Variants in SLC4A10 observed in about 807,000 individuals in gnomAD.
SLC4A10 encodes solute carrier family 4 member 10.
SLC4A10 carries 42 observed loss-of-function variants against 137.7 expected under a neutral mutation model. The ratio of observed to expected loss-of-function variants is 0.30; its 90% CI spans 0.24 to 0.39. SLC4A10 has a LOEUF of 0.39. Among genes scored for constraint, SLC4A10 ranks in the 10% least tolerant of loss-of-function variants. SLC4A10 has a pLI of 1.00. For synonymous variants in SLC4A10, 474 were observed against 464.1 expected, an observed-to-expected ratio of 1.02 and a Z score of -0.27; for missense variants, 925 against 1,355.0, an observed-to-expected ratio of 0.68 and a Z score of 4.98.
intron 1 of SLC4A10, among the ~76,000 whole-genome samples, chr2:161,700,325 C>A (rs2042991601): frequency 6.6e-6 from 1 of 152,104 alleles, no homozygotes; most frequent in Non-Finnish European, 1.5e-5. Context: ...ACTAGGTGGT[C>A]ATTCATATAG....
intron 4 of SLC4A10, among the ~76,000 whole-genome samples, chr2:161,848,763 A>G (rs940376293): frequency 2.6e-5 from 4 of 152,096 alleles, no homozygotes; most frequent in Non-Finnish European, 5.9e-5. Flanking sequence ...TACTGATACC[A>G]TGCTGTTTTG....
chr2:161,912,453 G>C (rs1321751735), intron 15 of SLC4A10, among the ~76,000 whole-genome samples: 1 of 152,074 alleles, frequency 6.6e-6, no homozygotes, highest in Non-Finnish European at 1.5e-5. Flanking sequence ...AACTGACCTA[G>C]ATTCAAGGAT....
chr2:161,754,096 G>T (rs2049315249), intron 1 of SLC4A10, among the ~76,000 whole-genome samples: 1 of 151,618 alleles, frequency 6.6e-6, no homozygotes, highest in Non-Finnish European at 1.5e-5. Flanking sequence ...TTCACTATGT[G>T]GCCCCGGGGT....
At chr2:161,675,218 C>G (rs1437001209) in intron 1 of SLC4A10, among the ~76,000 whole-genome samples, 7 of 152,088 alleles carry the variant, frequency 4.6e-5, no homozygotes, top group African/African-American at 1.7e-4. Context: ...TTAATTGTGC[C>G]CCTGAGGCCT....
At chr2:161,634,999 A>T (rs977548967) in intron 1 of SLC4A10, among the ~76,000 whole-genome samples, 1 of 152,084 alleles carries the variant, frequency 6.6e-6, no homozygotes, top group Non-Finnish European at 1.5e-5. Flanking sequence ...AATAAAATAT[A>T]AACTTTATTT....
At chr2:161,661,398 T>C (rs1273456089) in intron 1 of SLC4A10, among the ~76,000 whole-genome samples, 1 of 152,140 alleles carries the variant, frequency 6.6e-6, no homozygotes, top group Non-Finnish European at 1.5e-5. Flanking sequence ...TCACTTGAAC[T>C]GGGAGGCGGA....
intron 1 of SLC4A10, among the ~76,000 whole-genome samples, chr2:161,737,518 TAA>T (rs2047466324): frequency 7.2e-6 from 1 of 139,526 alleles, no homozygotes; most frequent in South Asian, 2.2e-4. Context: ...TTGTCTTTCA[TAA>T]AGTCTTTTAA....
chr2:161,750,830 A>T (rs2048890332), intron 1 of SLC4A10, among the ~76,000 whole-genome samples: 1 of 151,608 alleles, frequency 6.6e-6, no homozygotes, highest in Non-Finnish European at 1.5e-5. Flanking sequence ...CCATACTATT[A>T]TTTTATTGCT....
At chr2:161,872,464 C>A (rs1398845055) in intron 7 of SLC4A10, 80 bp downstream of exon 7, 6 of 997,390 alleles carry the variant, frequency 6.0e-6, no homozygotes, top group South Asian at 1.6e-5. Flanking sequence ...GGTGTTGACA[C>A]AATATTTTGC....
chr2:161,927,915 CT>C (rs1689485415), intron 15 of SLC4A10, among the ~76,000 whole-genome samples: 1 of 151,852 alleles, frequency 6.6e-6, no homozygotes, highest in African/African-American at 2.4e-5. Flanking sequence ...CACTTTTACA[CT>C]GTTGGTGGGA....
At chr2:161,636,905 C>G (rs1574018139) in intron 1 of SLC4A10, among the ~76,000 whole-genome samples, 1 of 150,208 alleles carries the variant, frequency 6.7e-6, no homozygotes, top group Admixed American at 6.7e-5. Flanking sequence ...TTTGTAGAGA[C>G]AGGGTCTCAG....
intron 1 of SLC4A10, among the ~76,000 whole-genome samples, chr2:161,652,131 C>T (rs2036887070): frequency 6.6e-6 from 1 of 152,214 alleles, no homozygotes; most frequent in East Asian, 1.9e-4. Flanking sequence ...CCAGCCCATA[C>T]TCAGGGGAGG....
At chr2:161,753,574 G>A (rs1384222438) in intron 1 of SLC4A10, among the ~76,000 whole-genome samples, 1 of 152,068 alleles carries the variant, frequency 6.6e-6, no homozygotes, top group Non-Finnish European at 1.5e-5. Context: ...ATCCTATGGG[G>A]TTTAGTGAGA....
At chr2:161,829,808 C>T (rs2058310157) in intron 3 of SLC4A10, among the ~76,000 whole-genome samples, 1 of 152,084 alleles carries the variant, frequency 6.6e-6, no homozygotes, top group Non-Finnish European at 1.5e-5. Flanking sequence ...GGAGGCCTCA[C>T]AATCATGGCG....
At chr2:161,708,604 A>T in intron 1 of SLC4A10, 1 of 1,327,060 alleles carries the variant, frequency 7.5e-7, no homozygotes, top group Non-Finnish European at 1.0e-6. Flanking sequence ...CACAGGGGAG[A>T]TGATAAATAG....
At chr2:161,726,932 A>C (rs1212191770) in intron 1 of SLC4A10, among the ~76,000 whole-genome samples, 1 of 152,196 alleles carries the variant, frequency 6.6e-6, no homozygotes, top group Non-Finnish European at 1.5e-5. Flanking sequence ...ACAAACAAAG[A>C]GACTCAAGTT....
intron 1 of SLC4A10, among the ~76,000 whole-genome samples, chr2:161,722,572 A>G (rs1403441225): frequency 6.6e-6 from 1 of 152,162 alleles, no homozygotes; most frequent in Non-Finnish European, 1.5e-5. Flanking sequence ...CCAGAGGAGC[A>G]CCAACCTGAT....
At chr2:161,829,215 G>A (rs779185288) in intron 3 of SLC4A10, among the ~76,000 whole-genome samples, 12 of 151,836 alleles carry the variant, frequency 7.9e-5, no homozygotes, top group Non-Finnish European at 1.5e-4. Flanking sequence ...GTCTTACATT[G>A]TCTGTTATTA....
At chr2:161,958,300 A>C (rs1696023539) in intron 20 of SLC4A10, among the ~76,000 whole-genome samples, 187 bp from the exon 21 acceptor site, 1 of 152,190 alleles carries the variant, frequency 6.6e-6, no homozygotes, top group African/African-American at 2.4e-5. Flanking sequence ...CAGAGAGCTT[A>C]AGTAACTTAC....
Sources: gnomAD v4.1 joint callset for allele counts (sites outside exome capture counted in the v4.1 genomes callset) on GRCh38, gnomAD v4.1.1 for gene constraint, MANE v1.5 for transcripts, NCBI Gene and HGNC (gene_info 2026-07-23, HGNC 2026-07-21) for gene names.